The following MAGI1 variants were observed in gnomAD, a reference collection of about 807,000 sequenced individuals.
The protein encoded by MAGI1 is membrane associated guanylate kinase, WW and PDZ domain containing 1.
In MAGI1, 58 loss-of-function variants were observed where a neutral mutation model predicts 139.9. The observed-to-expected ratio is 0.41, with a 90% CI of 0.34 to 0.52. The LOEUF is 0.52. Among genes scored for constraint, MAGI1 ranks in the 20% least tolerant of loss-of-function variants. The pLI is 0.12. For missense variants in MAGI1, 1,874 were observed against 1,901.6 expected (o/e 0.99, Z 0.27); for synonymous variants, 812 against 737.9 (o/e 1.10, Z -1.63).
chr3:65,603,630 G>A (rs2082587662), intron 2 of MAGI1, among the ~76,000 whole-genome samples: 1 of 152,182 alleles, frequency 6.6e-6, no homozygotes, highest in South Asian at 2.1e-4. Context: ...GGTCTTGTAA[G>A]CCTGAATATA....
At chr3:65,364,165 TAAAAAAAAA>T (rs555186167) in intron 20 of MAGI1, among the ~76,000 whole-genome samples, 1 of 89,422 alleles carries the variant, frequency 1.1e-5, no homozygotes, top group Non-Finnish European at 2.1e-5. Flanking sequence ...CCCTGTCTCT[TAAAAAAAAA>T]AAAAAAAAAA....
intron 12 of MAGI1, among the ~76,000 whole-genome samples, chr3:65,406,805 C>CTATA (rs538542443): frequency 1.3e-5 from 2 of 150,976 alleles, no homozygotes; most frequent in Admixed American, 6.6e-5. Flanking sequence ...CTCTCTCTCT[C>CTATA]TATATATATA....
Position 65,964,516 on chromosome 3 carries a change from T to C in MAGI1, c.313+73480A>G, listed in dbSNP as rs144101043. Among the ~76,000 whole-genome samples the C allele has an allele frequency of 2.7e-3, 404 of 151,668 alleles. 1 individual carries two copies. The highest frequency in any genetic ancestry group is 6.9e-3 in the Admixed American group (105 of 15,206). On this transcript the variant is annotated intron_variant, in intron 1 of 22. Transcript: ENST00000402939. ...AGAAAGGTATATCCTTTTATACATC[T>C]TGGGGGTAGTGCGGGGGCGGGGGGA...
intron 1 of MAGI1, among the ~76,000 whole-genome samples, chr3:65,958,980 G>GT (rs2064273182): frequency 6.7e-6 from 1 of 150,308 alleles, no homozygotes; most frequent in South Asian, 2.1e-4. Flanking sequence ...GAGTGAGACT[G>GT]TAACTCAAAA....
intron 2 of MAGI1, among the ~76,000 whole-genome samples, chr3:65,581,417 C>A (rs1047962271): frequency 6.6e-6 from 1 of 152,078 alleles, no homozygotes; most frequent in African/African-American, 2.4e-5. Flanking sequence ...AACCCAAAAA[C>A]CTATATTGTA....
At chr3:65,804,805 T>C (rs1232569867) in intron 1 of MAGI1, among the ~76,000 whole-genome samples, 4 of 152,172 alleles carry the variant, frequency 2.6e-5, no homozygotes, top group Admixed American at 1.3e-4. Flanking sequence ...CATCTGATCT[T>C]TGACAAACCG....
At position 65,440,080 on chromosome 3, in the gene MAGI1, C is replaced by A. The variant is rs1948165193; in HGVS notation, c.1137-68G>T. On this transcript the variant is annotated intron_variant, in intron 8 of 22. Coordinates refer to ENST00000402939, the MANE Select transcript of MAGI1 (RefSeq NM_001033057.2). ...CCCACCAGCAAAATGCCAATCAGAC[C>A]AAGTCCCTGGAATCAAACTGAGCAG... is the stretch of plus-strand genomic sequence containing the variant. 36 of 1,563,888 alleles carry A rather than the reference C, an allele frequency of 2.3e-5. 1 individual carries two copies. The South Asian group carries it at 3.9e-4, about 17-fold the overall frequency.
At chr3:65,653,647 C>A (rs1250108091) in intron 1 of MAGI1, among the ~76,000 whole-genome samples, 2 of 152,138 alleles carry the variant, frequency 1.3e-5, no homozygotes, top group Non-Finnish European at 2.9e-5. Flanking sequence ...TTTGGGAGCT[C>A]AAAAGCCAAG....
chr3:65,607,653 C>T (rs2082815050), intron 2 of MAGI1, among the ~76,000 whole-genome samples: 1 of 152,168 alleles, frequency 6.6e-6, no homozygotes, highest in Non-Finnish European at 1.5e-5. Context: ...CTACCCTGGA[C>T]AAGTAAATTT....
chr3:65,743,602 C>G (rs2035451977), intron 1 of MAGI1, among the ~76,000 whole-genome samples: 1 of 151,728 alleles, frequency 6.6e-6, no homozygotes, highest in Non-Finnish European at 1.5e-5. Flanking sequence ...CCAGCTTACT[C>G]GGGAGGCTGA....
At chr3:65,368,198 G>T (rs1941624118) in intron 18 of MAGI1, among the ~76,000 whole-genome samples, 1 of 152,176 alleles carries the variant, frequency 6.6e-6, no homozygotes, top group African/African-American at 2.4e-5. Flanking sequence ...ACAAGAGTAT[G>T]AGTCTCCCTG....
At chr3:65,391,686 T>C (rs1238220732) in intron 13 of MAGI1, among the ~76,000 whole-genome samples, 1 of 152,202 alleles carries the variant, frequency 6.6e-6, no homozygotes, top group Non-Finnish European at 1.5e-5. Flanking sequence ...AGTTTTAACA[T>C]TTTCATTTTC....
intron 1 of MAGI1, among the ~76,000 whole-genome samples, chr3:65,642,542 C>T (rs922985241): frequency 1.3e-5 from 2 of 152,116 alleles, no homozygotes; most frequent in African/African-American, 4.8e-5. Context: ...GACAGTCCGC[C>T]CTATCTATAA....
chr3:65,717,952 T>C (rs1468954615), intron 1 of MAGI1, among the ~76,000 whole-genome samples: 1 of 152,126 alleles, frequency 6.6e-6, no homozygotes, highest in Admixed American at 6.5e-5. Flanking sequence ...TAAGAAAGAT[T>C]TTTTTCCCCC....
chr3:65,391,026 G>A (rs541095349), intron 14 of MAGI1, 116 bp downstream of exon 14: 15 of 851,876 alleles, frequency 1.8e-5, no homozygotes, highest in South Asian at 8.6e-5. Flanking sequence ...TGCATCTTGC[G>A]GATTTCACTT....
chr3:65,910,855 C>T lies in MAGI1; in HGVS notation c.313+127141G>A, dbSNP rs1281055787. Among the ~76,000 whole-genome samples, 318 of 59,458 alleles carry T rather than the reference C, an allele frequency of 5.3e-3. 1 individual carries two copies. The highest frequency in any genetic ancestry group is 8.7e-3 in the Admixed American group (28 of 3,216). The allele number at this position is 59,458 out of a possible 152,430, so 39.0% of individuals were successfully genotyped here. On this transcript the variant is annotated intron_variant, in intron 1 of 22. Coordinates refer to ENST00000402939, the MANE Select transcript of MAGI1 (RefSeq NM_001033057.2). ...TGAGGCCTCTTTCAGACATGGTGGA[C>T]TTTTTTTTTTTTTTTTTTTTGAGAT...
chr3:65,671,129 C>T (rs2086832301), intron 1 of MAGI1, among the ~76,000 whole-genome samples: 1 of 152,080 alleles, frequency 6.6e-6, no homozygotes, highest in Non-Finnish European at 1.5e-5. Context: ...TGTTAATATC[C>T]CCATTTTACA....
intron 2 of MAGI1, among the ~76,000 whole-genome samples, chr3:65,608,140 C>T (rs908987360): frequency 1.3e-5 from 2 of 152,002 alleles, no homozygotes; most frequent in East Asian, 1.9e-4. Context: ...AATGACAATC[C>T]GATTAAAAAG....
At position 65,391,173 on chromosome 3, in the gene MAGI1, C is replaced by T; in HGVS notation, c.2385G>A (p.Trp795Ter). 1.2e-6 allele frequency: 2 copies of T among 1,614,184 alleles called. No homozygotes were observed. Among genetic ancestry groups the T allele is most frequent in the Non-Finnish European group, 1.7e-6 (2 of 1,180,048 alleles). ...TTTCATACATGCTCCTGGACTGGGC[C>T]CAGATTTTAAAAGGATCTGGTTTTT... is the stretch of plus-strand genomic sequence containing the variant. ...GQKKPDPFKI[W>*]AQSRSMYENR... Residue 795 changes from tryptophan (W) to a stop codon, truncating the protein, a stop_gained, in exon 14 of 23, where the codon TGG (tryptophan) becomes TGA (stop). Coordinates refer to ENST00000402939, the MANE Select transcript of MAGI1 (RefSeq NM_001033057.2). LOFTEE classifies it high-confidence loss of function.
Sources: allele counts gnomAD v4.1 joint callset (sites outside exome capture counted in the v4.1 genomes callset), GRCh38; gene constraint gnomAD v4.1.1; transcripts MANE v1.5; gene names NCBI Gene and HGNC (gene_info 2026-07-23, HGNC 2026-07-21).